PRDM16: variants seen among roughly 807,000 people sequenced by gnomAD.
PRDM16 encodes histone-lysine N-methyltransferase PRDM16.
PRDM16 carries 23 observed loss-of-function variants against 110.6 expected under a neutral mutation model. That is an observed-to-expected ratio of 0.21 (90% confidence interval 0.15 to 0.29). The LOEUF (loss-of-function observed/expected upper bound fraction) is 0.29. Ranked by LOEUF, PRDM16 falls within the 10% of genes least tolerant of loss-of-function variation. The probability of loss-of-function intolerance (pLI) is 1.00; values close to 1 mark genes in which losing one functional copy is unlikely to be tolerated. For synonymous variants in PRDM16, 799 were observed against 781.8 expected (o/e 1.02, Z -0.37); for missense variants, 1,615 against 1,794.3 (o/e 0.90, Z 1.81).
intron 4 of PRDM16, among the ~76,000 whole-genome samples, chr1:3,387,395 G>A (rs762266248): frequency 8.5e-5 from 13 of 152,218 alleles, no homozygotes; most frequent in African/African-American, 2.9e-4. Flanking sequence ...GAGGGAACTC[G>A]AAATGCACAT....
At chr1:3,431,199 C>CAGGGATGGGCTCA in intron 15 of PRDM16, 91 bp downstream of exon 15, 1 of 1,488,892 alleles carries the variant, frequency 6.7e-7, no homozygotes, top group Non-Finnish European at 8.9e-7. Context: ...ACTCGTGAGC[C>CAGGGATGGGCTCA]CATCCCTGGC....
chr1:3,101,066 C>T (rs1216600082), intron 1 of PRDM16, among the ~76,000 whole-genome samples: 3 of 152,138 alleles, frequency 2.0e-5, no homozygotes, highest in Non-Finnish European at 4.4e-5. Context: ...TGCTGCTGGG[C>T]CCCAGGTATG....
intron 3 of PRDM16, among the ~76,000 whole-genome samples, chr1:3,343,980 T>C (rs149222061): frequency 6.4e-4 from 98 of 152,274 alleles, no homozygotes; most frequent in Middle Eastern, 6.8e-3. Flanking sequence ...GATTGGATAA[T>C]TTTATGGATC....
chr1:3,214,646 G>A (rs552886979), intron 2 of PRDM16, among the ~76,000 whole-genome samples: 4 of 152,250 alleles, frequency 2.6e-5, no homozygotes, highest in South Asian at 2.1e-4. Context: ...GCAGTGAGCC[G>A]AGATACATTA....
rs574508856 is a variant in PRDM16 at position 3,350,088 on chromosome 1, C to G, written c.439-35064C>G. 6.6e-5 allele frequency among the ~76,000 whole-genome samples: 10 copies of G among 152,280 alleles called. No homozygotes were observed. The highest frequency in any genetic ancestry group is 2.4e-4 in the African/African-American group (10 of 41,562). On this transcript the variant is annotated intron_variant, in intron 3 of 16. Transcript: ENST00000270722. The surrounding 1 kb of genome is among the most constrained non-coding windows in gnomAD (Gnocchi z 7.1). ...GTGCAGTGGCCCAAAATCCCAGCACCTTGGGAGGCCAAGGCGGGAGGAAGC... is the reference window on the plus strand; with the variant it reads ...GTGCAGTGGCCCAAAATCCCAGCACGTTGGGAGGCCAAGGCGGGAGGAAGC...
chr1:3,235,563 G>A (rs1014255357), intron 2 of PRDM16, among the ~76,000 whole-genome samples: 4 of 152,146 alleles, frequency 2.6e-5, no homozygotes, highest in Non-Finnish European at 4.4e-5. Context: ...AAGGGCTCTG[G>A]AGCCTGCGCC....
At position 3,175,298 on chromosome 1, in the gene PRDM16, C is replaced by T. The variant is rs1419497076; in HGVS notation, c.38-10827C>T. Among the ~76,000 whole-genome samples the T allele has an allele frequency of 6.6e-6, 1 of 151,420 alleles. No individual in the cohort carries two copies. The highest frequency in any genetic ancestry group is 1.5e-5 in the Non-Finnish European group (1 of 67,526). Reference sequence around the variant, plus strand: ...CCACTGAAGAAGGGCCTTCTGTTCACCAGGGTATACTCGGCAGAGATGTAG... The same window carrying T: ...CCACTGAAGAAGGGCCTTCTGTTCATCAGGGTATACTCGGCAGAGATGTAG... On this transcript the variant is annotated intron_variant, in intron 1 of 16. Coordinates refer to ENST00000270722, the MANE Select transcript of PRDM16 (RefSeq NM_022114.4). The surrounding 1 kb of genome is among the most constrained non-coding windows in gnomAD (Gnocchi z 4.8).
At chr1:3,416,399 G>A (rs973773755) in intron 10 of PRDM16, among the ~76,000 whole-genome samples, 3 of 152,180 alleles carry the variant, frequency 2.0e-5, no homozygotes, top group Non-Finnish European at 2.9e-5. Flanking sequence ...GGGTCTTGCT[G>A]TAAATGGGCG....
chr1:3,333,010 C>T (rs1010210478), intron 3 of PRDM16, among the ~76,000 whole-genome samples: 1 of 152,218 alleles, frequency 6.6e-6, no homozygotes, highest in Non-Finnish European at 1.5e-5. Flanking sequence ...GTTCTTTCCA[C>T]CTCTTGGCGA....
At chr1:3,335,540 C>T (rs2483278) in intron 3 of PRDM16, among the ~76,000 whole-genome samples, 108,140 of 151,360 alleles carry the variant, frequency 0.71, 38,932 homozygotes, top group East Asian at 0.88. Context: ...TCCAAACAAA[C>T]AAACAAGGCT....
chr1:3,304,411 C>T (rs574728152), intron 3 of PRDM16, among the ~76,000 whole-genome samples: 8 of 152,342 alleles, frequency 5.3e-5, no homozygotes, highest in East Asian at 1.9e-4. Context: ...GATCTCTATT[C>T]GCTGAAACCA....
chr1:3,322,701 C>A (rs574530161), intron 3 of PRDM16, among the ~76,000 whole-genome samples: 2 of 152,346 alleles, frequency 1.3e-5, no homozygotes, highest in African/African-American at 4.8e-5. Flanking sequence ...AGATGGCCAC[C>A]CTTTAACGAG....
intron 3 of PRDM16, among the ~76,000 whole-genome samples, chr1:3,291,758 C>T (rs931233427): frequency 6.6e-6 from 1 of 152,250 alleles, no homozygotes; most frequent in Non-Finnish European, 1.5e-5. Context: ...CTGGGGGAGA[C>T]GGGGGTTCTG....
At position 3,379,103 on chromosome 1, in the gene PRDM16, C is replaced by T. The variant is rs554971790; in HGVS notation, c.439-6049C>T. ...ACACCCCCTCCCGGTGCACCCCTCC[C>T]GGTGCACCCCCCCAACTCACCCCTC... On this transcript the variant is annotated intron_variant, in intron 3 of 16. Transcript: ENST00000270722. 4.3e-3 allele frequency among the ~76,000 whole-genome samples: 600 copies of T among 139,278 alleles called. 7 individuals are homozygous for T. The highest frequency in any genetic ancestry group is 0.015 in the African/African-American group (560 of 36,768). The allele number at this position is 139,278 out of a possible 152,430, so 91.4% of individuals were successfully genotyped here.
intron 3 of PRDM16, among the ~76,000 whole-genome samples, chr1:3,253,082 G>A (rs777777708): frequency 3.3e-5 from 5 of 152,016 alleles, no homozygotes; most frequent in Non-Finnish European, 5.9e-5. Flanking sequence ...CAGGCGCCAC[G>A]TGCTCTGCAG....
intron 3 of PRDM16, among the ~76,000 whole-genome samples, chr1:3,314,774 T>C (rs1316557113): frequency 1.3e-5 from 2 of 152,094 alleles, no homozygotes; most frequent in African/African-American, 2.4e-5. Context: ...TTTTTTGCAA[T>C]TACCAGCCTG....
At chr1:3,325,194 C>T (rs533544560) in intron 3 of PRDM16, among the ~76,000 whole-genome samples, 230 of 152,342 alleles carry the variant, frequency 1.5e-3, no homozygotes, top group African/African-American at 5.3e-3. Flanking sequence ...GGAAATCTCT[C>T]ATGCCTGTGA....
At chr1:3,361,639 G>A (rs546772261) in intron 3 of PRDM16, among the ~76,000 whole-genome samples, 1 of 152,350 alleles carries the variant, frequency 6.6e-6, no homozygotes, top group African/African-American at 2.4e-5. Flanking sequence ...TCGGAAGGAT[G>A]GTGTTGTGGG....
At chr1:3,212,648 C>G (rs572646682) in intron 2 of PRDM16, among the ~76,000 whole-genome samples, 21 of 148,634 alleles carry the variant, frequency 1.4e-4, no homozygotes, top group Admixed American at 4.8e-4. Flanking sequence ...CCGGCCCCCT[C>G]GCTGCGGTCC....
Sources: gnomAD v4.1 joint callset for allele counts (sites outside exome capture counted in the v4.1 genomes callset) on GRCh38, gnomAD v4.1.1 for gene constraint, Gnocchi (gnomAD v3.1) non-coding constraint, MANE v1.5 for transcripts, NCBI Gene and HGNC (gene_info 2026-07-23, HGNC 2026-07-21) for gene names.